The following OSMR variants were observed in gnomAD, a reference collection of about 807,000 sequenced individuals.
OSMR encodes the protein oncostatin M receptor.
A neutral mutation model predicts 99.9 loss-of-function variants in OSMR; 81 were observed. That is an observed-to-expected ratio of 0.81 (90% confidence interval 0.68 to 0.97). The LOEUF (loss-of-function observed/expected upper bound fraction) is 0.97, where lower values mean the gene tolerates loss of function less well. Among genes scored for constraint, OSMR ranks in the 50% least tolerant of loss-of-function variants. The pLI is 0.00. For missense variants in OSMR, 1,099 were observed against 1,153.4 expected, an observed-to-expected ratio of 0.95 and a Z score of 0.68; for synonymous variants, 406 against 410.4, an observed-to-expected ratio of 0.99 and a Z score of 0.13.
At position 38,933,747 on chromosome 5, in the gene OSMR, C is replaced by T; in HGVS notation, c.*303C>T. The T allele has an allele frequency of 2.4e-6, 1 of 420,298 alleles. No homozygotes were observed. The highest frequency in any genetic ancestry group is 2.5e-5 in the South Asian group (1 of 40,136). The allele number at this position is 420,298 out of a possible 1,614,324, so 26.0% of individuals were successfully genotyped here. ...GACCTAAGGATATGCATTAACCACT[C>T]TACAGACTCCCACTCAGTACTGTAC... is the stretch of plus-strand genomic sequence containing the variant. On this transcript the variant is annotated 3_prime_UTR_variant, in exon 18 of 18. Coordinates refer to ENST00000274276, the MANE Select transcript of OSMR (RefSeq NM_003999.3).
At chr5:38,862,194 G>T (rs1321759214) in intron 1 of OSMR, among the ~76,000 whole-genome samples, 1 of 123,846 alleles carries the variant, frequency 8.1e-6, no homozygotes, top group Admixed American at 7.4e-5. Context: ...AGGGGCGGCC[G>T]GGCAGAGGCG....
chr5:38,887,003 C>G (rs958000203), intron 7 of OSMR, among the ~76,000 whole-genome samples: 1 of 152,046 alleles, frequency 6.6e-6, no homozygotes, highest in Non-Finnish European at 1.5e-5. Flanking sequence ...GTATTATTGC[C>G]AATTAAATGG....
At chr5:38,939,126 G>T (rs183349542), downstream of OSMR, 68 of 233,000 alleles carry the variant, frequency 2.9e-4, 1 homozygote, top group East Asian at 2.6e-3. Flanking sequence ...ATTGCTTAAT[G>T]ATCTGTGCTT....
chr5:38,919,402 G>C (rs201000110), intron 11 of OSMR: 1 of 1,263,706 alleles, frequency 7.9e-7, no homozygotes, highest in African/African-American at 1.5e-5. Flanking sequence ...TTTGTGGCTT[G>C]TGAAATAGGA....
chr5:38,931,986 T>C (rs772686935), intron 16 of OSMR, 22 bp downstream of exon 16: 1 of 1,565,178 alleles, frequency 6.4e-7, no homozygotes, highest in East Asian at 2.2e-5. Context: ...AGGAAGGTTT[T>C]ATCCAAGAAG....
intron 9 of OSMR, among the ~76,000 whole-genome samples, chr5:38,915,836 T>A (rs978187361): frequency 6.6e-6 from 1 of 152,318 alleles, no homozygotes; most frequent in Non-Finnish European, 1.5e-5. Context: ...GAGATAAAGA[T>A]GTTTTTTATG....
intron 2 of OSMR, among the ~76,000 whole-genome samples, chr5:38,874,930 T>C (rs897116508): frequency 3.9e-5 from 6 of 152,212 alleles, no homozygotes; most frequent in Non-Finnish European, 8.8e-5. Context: ...CTCAATTTCA[T>C]TGTTGTTATT....
downstream of OSMR, chr5:38,939,020 A>T: frequency 4.3e-6 from 1 of 233,142 alleles, no homozygotes. Flanking sequence ...TTCCCAAAGT[A>T]GTTTACAAAG....
chr5:38,911,330 G>A (rs1745566946), intron 9 of OSMR, among the ~76,000 whole-genome samples: 1 of 151,862 alleles, frequency 6.6e-6, no homozygotes, highest in Non-Finnish European at 1.5e-5. Flanking sequence ...AAAACATACA[G>A]CCTGGAAACA....
At chr5:38,847,783 A>G (rs1225291085) in intron 1 of OSMR, among the ~76,000 whole-genome samples, 2 of 152,098 alleles carry the variant, frequency 1.3e-5, no homozygotes, top group Admixed American at 1.3e-4. Context: ...CCTCCTTGTG[A>G]CTTACATCTT....
rs1280492323 is a variant in OSMR at position 38,944,552 on chromosome 5, C to T, written c.*86+233C>T. On this transcript the variant is annotated intron_variant and NMD_transcript_variant, in intron 2 of 2. Coordinates refer to the OSMR transcript ENST00000508882. Reference sequence around the variant, plus strand: ...AGTATACGGCACATTGGTGTATCATCTGGAATTGTTTTAACACCTGAAAAG... The same window carrying T: ...AGTATACGGCACATTGGTGTATCATTTGGAATTGTTTTAACACCTGAAAAG... The T allele has an allele frequency of 5.0e-6, 8 of 1,601,766 alleles. No individual in the cohort carries two copies. Among genetic ancestry groups the T allele is most frequent in the Non-Finnish European group, 6.0e-6 (7 of 1,176,206 alleles).
At chr5:38,853,574 C>A (rs17361490) in intron 1 of OSMR, among the ~76,000 whole-genome samples, 38,681 of 152,116 alleles carry the variant, frequency 0.25, 5,239 homozygotes, top group South Asian at 0.43. Context: ...GGAATGATTT[C>A]TGTGATCTCA....
At chr5:38,874,160 C>T (rs2112290799) in intron 2 of OSMR, among the ~76,000 whole-genome samples, 1 of 152,232 alleles carries the variant, frequency 6.6e-6, no homozygotes, top group Non-Finnish European at 1.5e-5. Context: ...TATTTTCTCA[C>T]ATTCTATATG....
At chr5:38,884,202 C>T in intron 5 of OSMR, 91 bp downstream of exon 5, 1 of 1,051,344 alleles carries the variant, frequency 9.5e-7, no homozygotes, top group Non-Finnish European at 1.5e-6. Context: ...AACATTTCTA[C>T]CCATGATCTT....
Position 38,933,329 on chromosome 5 carries a change from G to C in OSMR, c.2825G>C (p.Cys942Ser). ...LPTNPVEAPH[C>S]SEYKMQMAVS... ...ACAAACCCAGTAGAGGCACCACACT[G>C]TTCAGAGTATAAAATGCAAATGGCA... Residue 942 changes from cysteine to serine, a missense_variant, in exon 18 of 18, where the codon TGT becomes TCT. Cys to Ser is a moderately radical substitution (Grantham distance 112). Coordinates refer to ENST00000274276, the MANE Select transcript of OSMR (RefSeq NM_003999.3). The C allele has an allele frequency of 3.1e-6, 5 of 1,614,188 alleles. No homozygotes were observed. Among genetic ancestry groups the C allele is most frequent in the Non-Finnish European group, 4.2e-6 (5 of 1,180,020 alleles).
At chr5:38,863,025 G>C (rs927828270) in intron 1 of OSMR, among the ~76,000 whole-genome samples, 12 of 151,972 alleles carry the variant, frequency 7.9e-5, no homozygotes, top group African/African-American at 2.4e-4. Flanking sequence ...CCAGTCAGGC[G>C]TGGCGGCGTG....
At chr5:38,918,653 C>T (rs549428950) in intron 10 of OSMR, 187 bp from the exon 11 acceptor site, 1 of 761,106 alleles carries the variant, frequency 1.3e-6, no homozygotes, top group Admixed American at 6.2e-5. Flanking sequence ...TCTCTACTCA[C>T]CTTCAGTTAG....
In OSMR at chr5:38,872,465, G is replaced by A. The variant is rs1742462028; in HGVS notation, c.73+3348G>A. ...TTGTTTCACTCACAGTCTACAGGGA[G>A]ACAGACATAGAAACAGGCTCTTACA... On this transcript the variant is annotated intron_variant, in intron 2 of 17. Transcript: ENST00000274276. 1.3e-5 allele frequency among the ~76,000 whole-genome samples: 2 copies of A among 152,180 alleles called. 1 individual carries two copies. The highest frequency in any genetic ancestry group is 4.8e-5 in the African/African-American group (2 of 41,448).
intron 1 of OSMR, among the ~76,000 whole-genome samples, chr5:38,847,222 G>T (rs139993645): frequency 1.6e-3 from 238 of 152,248 alleles, no homozygotes; most frequent in South Asian, 3.5e-3. Context: ...TTGGAACATG[G>T]GTCAAACTAC....
Sources: gnomAD v4.1 joint callset for allele counts (sites outside exome capture counted in the v4.1 genomes callset) on GRCh38, gnomAD v4.1.1 for gene constraint, MANE v1.5 for transcripts, NCBI Gene and HGNC (gene_info 2026-07-23, HGNC 2026-07-21) for gene names.